RARB: variants seen among roughly 807,000 people sequenced by gnomAD.
The protein encoded by RARB is HBV-activated protein.
In RARB, 17 loss-of-function variants were observed where a neutral mutation model predicts 51.9. That is an observed-to-expected ratio of 0.33 (90% CI 0.22 to 0.49). The LOEUF (loss-of-function observed/expected upper bound fraction) is 0.49. Ranked by LOEUF, RARB falls within the 20% of genes least tolerant of loss-of-function variation. The pLI, the probability that RARB is intolerant of heterozygous loss-of-function variation, is 0.99. For synonymous variants in RARB, 215 were observed against 195.4 expected (o/e 1.10, Z -0.84); for missense variants, 369 against 550.8 (o/e 0.67, Z 3.30).
intron 1 of RARB, among the ~76,000 whole-genome samples, chr3:25,435,806 A>G (rs1281536824): frequency 6.6e-6 from 1 of 152,342 alleles, no homozygotes; most frequent in Non-Finnish European, 1.5e-5. Context: ...ATGATTTCAC[A>G]TAGTGCACTG....
At chr3:25,118,861 G>T (rs1300221134) in intron 3 of RARB, among the ~76,000 whole-genome samples, 1 of 151,784 alleles carries the variant, frequency 6.6e-6, no homozygotes, top group African/African-American at 2.4e-5. Flanking sequence ...CCCGTTTTAA[G>T]GTATAACTTT....
intron 3 of RARB, among the ~76,000 whole-genome samples, chr3:25,122,834 G>A (rs368045233): frequency 6.6e-6 from 1 of 152,202 alleles, no homozygotes; most frequent in East Asian, 1.9e-4. Flanking sequence ...ATTTCCCAAG[G>A]GAAGAAACCC....
At chr3:24,975,540 A>AT (rs1696491970) in intron 2 of RARB, among the ~76,000 whole-genome samples, 3 of 152,114 alleles carry the variant, frequency 2.0e-5, no homozygotes, top group African/African-American at 7.2e-5. Flanking sequence ...CATACATTTA[A>AT]TTTTTCTATA....
intron 3 of RARB, 105 bp downstream of exon 3, chr3:25,501,428 C>G (rs1274418628): frequency 1.4e-6 from 2 of 1,409,512 alleles, no homozygotes; most frequent in Non-Finnish European, 1.9e-6. Context: ...CGAAATCTTG[C>G]CAAGGGTAGG....
At chr3:25,163,504 A>AAAAAAAATATATATATAT (rs1303712411) in intron 4 of RARB, among the ~76,000 whole-genome samples, 1 of 131,096 alleles carries the variant, frequency 7.6e-6, no homozygotes, top group African/African-American at 3.2e-5. Flanking sequence ...CCTATCTCAA[A>AAAAAAAATATATATATAT]ATATATATAT....
chr3:25,125,315 A>G (rs1575171837), intron 3 of RARB, among the ~76,000 whole-genome samples: 1 of 152,314 alleles, frequency 6.6e-6, no homozygotes, highest in East Asian at 1.9e-4. Context: ...AATAGTTATT[A>G]TTTGCCTGGG....
rs1282196342 is a variant in RARB, at chr3:25,253,410, A to C, written c.178+78835A>C. Among the ~76,000 whole-genome samples the C allele has an allele frequency of 3.9e-5, 6 of 152,298 alleles. No individual in the cohort carries two copies. The East Asian group carries it at 5.8e-4, about 15-fold the overall frequency. Reference sequence around the variant, plus strand: ...TTATTTTGAAATACATAGAGACTCTATGGTGTGTCTGCCCACCCAATTACC... The same window carrying C: ...TTATTTTGAAATACATAGAGACTCTCTGGTGTGTCTGCCCACCCAATTACC... On this transcript the variant is annotated intron_variant, in intron 5 of 11. Transcript: ENST00000383772.
intron 3 of RARB, among the ~76,000 whole-genome samples, chr3:25,540,896 G>GTCTGATTTAC (rs5847363): frequency 0.61 from 92,942 of 151,628 alleles, 30,813 homozygotes; most frequent in African/African-American, 0.88. Context: ...CTTAATGGCT[G>GTCTGATTTAC]TCATGACCCA....
chr3:25,579,662 C>T (rs770995823), intron 4 of RARB, among the ~76,000 whole-genome samples: 2 of 152,228 alleles, frequency 1.3e-5, no homozygotes, highest in Non-Finnish European at 2.9e-5. Context: ...AGATTTCTCT[C>T]TCCACTTGTT....
At chr3:25,343,388 T>C (rs1020469201) in intron 5 of RARB, among the ~76,000 whole-genome samples, 1 of 152,088 alleles carries the variant, frequency 6.6e-6, no homozygotes, top group African/African-American at 2.4e-5. Flanking sequence ...TAATGCATAG[T>C]TGTAAAAAAG....
At position 25,267,919 on chromosome 3, in the gene RARB, A is replaced by G. The variant is rs1007620275; in HGVS notation, c.178+93344A>G. ...GAAATCTAATATGGAAAATTGGCAAATGTGTACGCATAATGTTGAAACTAT... is the reference window on the plus strand; with the variant it reads ...GAAATCTAATATGGAAAATTGGCAAGTGTGTACGCATAATGTTGAAACTAT... On this transcript the variant is annotated intron_variant, in intron 5 of 11. Transcript: ENST00000383772. Among the ~76,000 whole-genome samples, 5 of 152,198 alleles carry G rather than the reference A, an allele frequency of 3.3e-5. No homozygotes were observed. The South Asian group carries it at 1.0e-3, about 32-fold the overall frequency.
At chr3:25,302,734 TGAAAG>T (rs1439885212) in intron 5 of RARB, among the ~76,000 whole-genome samples, 1 of 152,210 alleles carries the variant, frequency 6.6e-6, no homozygotes, top group Non-Finnish European at 1.5e-5. Flanking sequence ...TTGTATACTA[TGAAAG>T]GGTGAATTTT....
chr3:25,387,091 G>T (rs1423832474), intron 5 of RARB, among the ~76,000 whole-genome samples: 9 of 152,204 alleles, frequency 5.9e-5, no homozygotes, highest in Non-Finnish European at 1.0e-4. Context: ...GTTAGCAATT[G>T]TCACTCTTGA....
chr3:25,287,439 A>T (rs1404737621), intron 5 of RARB, among the ~76,000 whole-genome samples: 1 of 152,210 alleles, frequency 6.6e-6, no homozygotes, highest in South Asian at 2.1e-4. Flanking sequence ...ATAACCTCTC[A>T]TTCTAAGGGA....
chr3:25,088,469 G>A (rs2125315875), intron 3 of RARB, among the ~76,000 whole-genome samples: 1 of 152,248 alleles, frequency 6.6e-6, no homozygotes, highest in South Asian at 2.1e-4. Flanking sequence ...GGGGTAGGGG[G>A]ACTATAGCCC....
chr3:25,056,738 T>C (rs1698449945), intron 2 of RARB, among the ~76,000 whole-genome samples: 2 of 152,126 alleles, frequency 1.3e-5, no homozygotes, highest in Admixed American at 6.5e-5. Context: ...TTATTTTGGC[T>C]GAGAGTTTTG....
chr3:24,926,537 A>G (rs888658088), intron 2 of RARB, among the ~76,000 whole-genome samples: 2 of 152,092 alleles, frequency 1.3e-5, no homozygotes, highest in Admixed American at 6.6e-5. Flanking sequence ...GGTCACCAGG[A>G]CTTGATGACT....
At chr3:25,299,993 T>A (rs1444670988) in intron 5 of RARB, among the ~76,000 whole-genome samples, 1 of 152,228 alleles carries the variant, frequency 6.6e-6, no homozygotes, top group Non-Finnish European at 1.5e-5. Flanking sequence ...TGTGTTAAAT[T>A]GATTTTTTTA....
intron 5 of RARB, among the ~76,000 whole-genome samples, chr3:25,214,230 A>G (rs1701766766): frequency 6.6e-6 from 1 of 152,192 alleles, no homozygotes; most frequent in South Asian, 2.1e-4. Context: ...CTGTGCTGGC[A>G]GGGCTCTTGT....
Sources: allele counts gnomAD v4.1 joint callset (sites outside exome capture counted in the v4.1 genomes callset), GRCh38; gene constraint gnomAD v4.1.1; transcripts MANE v1.5; gene names NCBI Gene and HGNC (gene_info 2026-07-23, HGNC 2026-07-21).